EVI5: variants seen among roughly 807,000 people sequenced by gnomAD.
The protein encoded by EVI5 is ecotropic viral integration site 5, also known as ecotropic viral integration site 5 protein homolog.
EVI5 carries 73 observed loss-of-function variants against 112.0 expected under a neutral mutation model. The ratio of observed to expected loss-of-function variants is 0.65; its 90% CI spans 0.54 to 0.79. The LOEUF is 0.79. Ranked by LOEUF, EVI5 falls within the 30% of genes least tolerant of loss-of-function variation. EVI5 has a pLI of 0.00. For synonymous variants in EVI5, 305 were observed against 319.9 expected (o/e 0.95, Z 0.50); for missense variants, 900 against 968.8 (o/e 0.93, Z 0.94).
intron 14 of EVI5, among the ~76,000 whole-genome samples, chr1:92,629,755 T>G (rs1314015067): frequency 1.3e-5 from 2 of 152,054 alleles, no homozygotes; most frequent in Non-Finnish European, 2.9e-5. Flanking sequence ...CATGTTGGTG[T>G]GCTGCACCCA....
At chr1:92,584,237 T>C (rs903557489) in intron 18 of EVI5, among the ~76,000 whole-genome samples, 1 of 152,106 alleles carries the variant, frequency 6.6e-6, no homozygotes, top group Admixed American at 6.5e-5. Context: ...AAAAGCAATC[T>C]CTTGATTGTT....
chr1:92,716,090 C>T (rs1005237879), intron 2 of EVI5, among the ~76,000 whole-genome samples: 6 of 152,210 alleles, frequency 3.9e-5, no homozygotes, highest in Non-Finnish European at 7.3e-5. Flanking sequence ...TCCTGTCTGA[C>T]AGCTCTGAAG....
chr1:92,611,586 C>T (rs1299309890), intron 16 of EVI5, among the ~76,000 whole-genome samples: 1 of 150,124 alleles, frequency 6.7e-6, no homozygotes, highest in Non-Finnish European at 1.5e-5. Flanking sequence ...CCTGTACTCC[C>T]AACTCGGGAG....
intron 2 of EVI5, among the ~76,000 whole-genome samples, chr1:92,727,730 T>C (rs995631176): frequency 1.3e-4 from 19 of 146,524 alleles, no homozygotes; most frequent in African/African-American, 5.2e-4. Flanking sequence ...ACTCCAAAGA[T>C]TTTTTCTAGG....
chr1:92,565,482 C>A (rs781335606), intron 18 of EVI5, among the ~76,000 whole-genome samples: 14 of 152,056 alleles, frequency 9.2e-5, no homozygotes, highest in Non-Finnish European at 1.6e-4. Context: ...ACGTGTCTTA[C>A]AATTACCTTG....
chr1:92,739,273 C>CAAAAAAA (rs72016918), intron 1 of EVI5, among the ~76,000 whole-genome samples: 2 of 76,456 alleles, frequency 2.6e-5, no homozygotes, highest in Non-Finnish European at 4.7e-5. Context: ...AACTCCGTCT[C>CAAAAAAA]AAAAAAAAAA....
intron 19 of EVI5, among the ~76,000 whole-genome samples, chr1:92,533,300 T>G (rs1663233232): frequency 6.6e-6 from 1 of 152,010 alleles, no homozygotes; most frequent in Admixed American, 6.6e-5. Context: ...AATTAATAGC[T>G]TACCAACCAA....
intron 2 of EVI5, among the ~76,000 whole-genome samples, chr1:92,710,086 CAA>C (rs71091297): frequency 1.8e-4 from 15 of 82,794 alleles, no homozygotes; most frequent in Non-Finnish European, 2.1e-4. Context: ...TATTGCAAAG[CAA>C]AAAAAAAAAA....
chr1:92,770,976 C>T (rs1042178584), intron 1 of EVI5, among the ~76,000 whole-genome samples: 11 of 151,222 alleles, frequency 7.3e-5, no homozygotes, highest in African/African-American at 2.7e-4. Context: ...ACACCACTCC[C>T]GGCTAATTTT....
intron 2 of EVI5, among the ~76,000 whole-genome samples, chr1:92,716,939 A>T (rs1673805675): frequency 6.6e-6 from 1 of 152,094 alleles, no homozygotes; most frequent in Non-Finnish European, 1.5e-5. Flanking sequence ...GACTTTGAGG[A>T]GATGACAGAA....
intron 9 of EVI5, among the ~76,000 whole-genome samples, chr1:92,690,551 C>T (rs1451256653): frequency 6.7e-6 from 1 of 150,356 alleles, no homozygotes; most frequent in Admixed American, 6.6e-5. Flanking sequence ...GATTTCACCA[C>T]GTTGCCCAGG....
In EVI5 at chr1:92,648,664, G is replaced by A. The variant is rs540047094; in HGVS notation, c.1393-12328C>T. Among the ~76,000 whole-genome samples the A allele has an allele frequency of 3.3e-5, 5 of 152,188 alleles. No individual in the cohort carries two copies. In the South Asian group the frequency reaches 8.3e-4, roughly 25 times the overall value. On this transcript the variant is annotated intron_variant, in intron 13 of 19. Transcript: ENST00000684568. ...TTTTGGGTCTGGCTTTTTTCACTTAGCTTAAGGTTTTGGAAGTTTATCTAC... is the reference window on the plus strand; with the variant it reads ...TTTTGGGTCTGGCTTTTTTCACTTAACTTAAGGTTTTGGAAGTTTATCTAC...
At chr1:92,531,373 T>A (rs1447057042) in intron 19 of EVI5, among the ~76,000 whole-genome samples, 3 of 152,130 alleles carry the variant, frequency 2.0e-5, no homozygotes, top group Non-Finnish European at 4.4e-5. Context: ...TTCAGGGTAT[T>A]ATCCAGGAGA....
chr1:92,595,365 T>G (rs922677288), intron 18 of EVI5, among the ~76,000 whole-genome samples: 1 of 151,056 alleles, frequency 6.6e-6, no homozygotes, highest in Non-Finnish European at 1.5e-5. Flanking sequence ...AATTGAACAA[T>G]GAGAACACAC....
At chr1:92,748,377 TAAGTG>T (rs1404824984) in intron 1 of EVI5, among the ~76,000 whole-genome samples, 2 of 152,180 alleles carry the variant, frequency 1.3e-5, no homozygotes, top group Non-Finnish European at 2.9e-5. Context: ...TTCTAGGCCC[TAAGTG>T]AAGAGTCAGC....
At chr1:92,529,249 C>T (rs969309829) in intron 19 of EVI5, among the ~76,000 whole-genome samples, 1 of 152,186 alleles carries the variant, frequency 6.6e-6, no homozygotes, top group African/African-American at 2.4e-5. Context: ...TCTTACTAGA[C>T]ACACTCTTCA....
intron 16 of EVI5, among the ~76,000 whole-genome samples, chr1:92,617,013 C>T (rs974596995): frequency 6.6e-6 from 1 of 152,226 alleles, no homozygotes; most frequent in Non-Finnish European, 1.5e-5. Flanking sequence ...CCTGTCTTCT[C>T]TTCTCCAGCC....
intron 13 of EVI5, among the ~76,000 whole-genome samples, chr1:92,659,971 A>G (rs761260464): frequency 5.3e-5 from 8 of 152,002 alleles, no homozygotes; most frequent in Non-Finnish European, 1.0e-4. Context: ...ATCTTAAGTA[A>G]AATAACTCAG....
intron 1 of EVI5, among the ~76,000 whole-genome samples, chr1:92,779,221 T>G (rs1040462402): frequency 2.0e-5 from 3 of 152,042 alleles, no homozygotes; most frequent in Admixed American, 2.0e-4. Context: ...GAAGAAACTA[T>G]GCAAGGAAAA....
Sources: allele counts gnomAD v4.1 joint callset (sites outside exome capture counted in the v4.1 genomes callset), GRCh38; gene constraint gnomAD v4.1.1; transcripts MANE v1.5; gene names NCBI Gene and HGNC (gene_info 2026-07-23, HGNC 2026-07-21).